STAG2: variants seen among roughly 807,000 people sequenced by gnomAD.
The protein encoded by STAG2 is cohesin subunit SA-2.
In STAG2, 14 loss-of-function variants were observed where a neutral mutation model predicts 108.1. The observed-to-expected ratio is 0.13, with a 90% CI of 0.09 to 0.20. The LOEUF (loss-of-function observed/expected upper bound fraction) is 0.20. Ranked by LOEUF, STAG2 falls within the 10% of genes least tolerant of loss-of-function variation. STAG2 has a pLI of 1.00. For missense variants in STAG2, 440 were observed against 940.9 expected, an observed-to-expected ratio of 0.47 and a Z score of 6.96; for synonymous variants, 307 against 302.7, an observed-to-expected ratio of 1.01 and a Z score of -0.15.
At chrX:124,061,929 A>G in intron 17 of STAG2, 55 bp downstream of exon 17, 1 of 910,399 alleles carries the variant, frequency 1.1e-6, no homozygotes, top group Middle Eastern at 2.8e-4. Context: ...CTTTTTCAGT[A>G]TCTTTTTAAA....
At chrX:124,036,173 T>C (rs2148109223) in intron 5 of STAG2, among the ~76,000 whole-genome samples, 1 of 112,275 alleles carries the variant, frequency 8.9e-6, no homozygotes, top group African/African-American at 3.2e-5. Context: ...ATATTTTTCC[T>C]TGATTTATCT....
rs760383933 is a variant in STAG2, at chrX:124,094,164, C to T, written c.3705+20C>T. 1.4e-5 allele frequency: 16 copies of T among 1,181,990 alleles called. No homozygotes were observed. The African/African-American group carries it at 1.8e-4, about 13-fold the overall frequency. On this transcript the variant is annotated intron_variant, in intron 33 of 34. Coordinates refer to ENST00000371145, the MANE Select transcript of STAG2 (RefSeq NM_001042750.2). ...GATTTGGTAAGAAACTTAATGATTT[C>T]TGTAAGATTTTCAGTTTAGATCTTT...
At chrX:124,006,436 ATTTTTTT>A (rs36109062) in intron 1 of STAG2, among the ~76,000 whole-genome samples, 10 of 64,228 alleles carry the variant, frequency 1.6e-4, no homozygotes, top group Non-Finnish European at 2.7e-4. Context: ...TGTTGTCACT[ATTTTTTT>A]TTTTTTTTTT....
intron 13 of STAG2, among the ~76,000 whole-genome samples, chrX:124,055,466 C>T (rs961942376): frequency 1.8e-5 from 2 of 112,588 alleles, no homozygotes; most frequent in Non-Finnish European, 3.8e-5. Context: ...CAGCGTTTAC[C>T]CTGGGGTACT....
At chrX:124,066,488 T>G (rs780124793) in intron 23 of STAG2, 52 bp downstream of exon 23, 1 of 887,247 alleles carries the variant, frequency 1.1e-6, no homozygotes, top group African/African-American at 2.0e-5. Flanking sequence ...ATTAACTGTT[T>G]TCAGCAAACT....
chrX:124,009,447 A>AGGTAGGTAGGTAGGTAGGTAGGTAGG (rs1569502017), intron 1 of STAG2, among the ~76,000 whole-genome samples: 2 of 91,422 alleles, frequency 2.2e-5, no homozygotes, highest in African/African-American at 7.8e-5. Flanking sequence ...AGGTAGGTAG[A>AGGTAGGTAGGTAGGTAGGTAGGTAGG]TAGATAGATA....
chrX:123,964,378 C>A (rs992922102), intron 1 of STAG2, among the ~76,000 whole-genome samples: 3 of 111,526 alleles, frequency 2.7e-5, no homozygotes, highest in Non-Finnish European at 5.7e-5. Flanking sequence ...CTTTTTAATT[C>A]TTTGAAAACA....
At chrX:124,093,472 CTTTTTTTTTT>C (rs56165276) in intron 32 of STAG2, among the ~76,000 whole-genome samples, 1 of 82,311 alleles carries the variant, frequency 1.2e-5, no homozygotes, top group African/African-American at 4.5e-5. Flanking sequence ...TCTTATTCAT[CTTTTTTTTTT>C]TTTTTTTTTT....
intron 1 of STAG2, among the ~76,000 whole-genome samples, chrX:123,980,182 C>A (rs1457935717): frequency 9.0e-6 from 1 of 111,710 alleles, no homozygotes; most frequent in Non-Finnish European, 1.9e-5. Context: ...ATTTTAGATA[C>A]TTCAACCTTA....
rs113670071 is a variant in STAG2, at chrX:123,973,080, TA to T, written c.-163+11234del. Among the ~76,000 whole-genome samples the T allele has an allele frequency of 6.5e-3, 674 of 103,299 alleles. 5 individuals carry two copies. The highest frequency in any genetic ancestry group is 0.02 in the African/African-American group (570 of 28,444). The allele number at this position is 103,299 out of a possible 115,157, so 89.7% of individuals were successfully genotyped here. ...GAAAAAAAACAGTAGTAAAATAAAA[TA>T]AAAAAAAAATGCAGTTGGATTTTAA... On this transcript the variant is annotated intron_variant, in intron 1 of 34. Coordinates refer to ENST00000371145, the MANE Select transcript of STAG2 (RefSeq NM_001042750.2).
At chrX:123,964,227 T>G (rs1339576251) in intron 1 of STAG2, among the ~76,000 whole-genome samples, 4 of 105,406 alleles carry the variant, frequency 3.8e-5, no homozygotes, top group Non-Finnish European at 7.8e-5. Flanking sequence ...TGTAAGTGAT[T>G]ACACAATGCT....
chrX:123,995,782 A>G (rs1178344130), intron 1 of STAG2, among the ~76,000 whole-genome samples: 2 of 112,556 alleles, frequency 1.8e-5, no homozygotes, highest in Non-Finnish European at 3.8e-5. Context: ...AATAAGAAAA[A>G]TAGAGAAGTG....
At position 123,992,505 on chromosome X, in the gene STAG2, T is replaced by C. The variant is rs35541637; in HGVS notation, c.-162-28862T>C. 9.6e-3 allele frequency among the ~76,000 whole-genome samples: 1,054 copies of C among 110,058 alleles called. 39 individuals carry two copies. Among genetic ancestry groups the C allele is most frequent in the Admixed American group, 0.079 (801 of 10,168 alleles). ...TACTGCACTCGAAGAGATCAATTCA[T>C]TGAGGGCTGTAGTAGGGAGAGTTTC... On this transcript the variant is annotated intron_variant, in intron 1 of 34. Transcript: ENST00000371145.
intron 1 of STAG2, among the ~76,000 whole-genome samples, chrX:124,006,489 A>G (rs975785632): frequency 1.9e-4 from 18 of 96,397 alleles, no homozygotes; most frequent in African/African-American, 7.3e-4. Context: ...CCCAGGCTGG[A>G]GTGCAGTGGC....
chrX:124,037,720 C>A, intron 6 of STAG2, 97 bp downstream of exon 6: 1 of 384,239 alleles, frequency 2.6e-6, no homozygotes, highest in Non-Finnish European at 4.2e-6. Context: ...GTAAATAACG[C>A]TAAGGCATTA....
At chrX:124,009,433 AGGTAG>A (rs1569501907) in intron 1 of STAG2, among the ~76,000 whole-genome samples, 2 of 97,362 alleles carry the variant, frequency 2.1e-5, no homozygotes, top group Non-Finnish European at 4.2e-5. Context: ...GTAGGTAGGT[AGGTAG>A]GTAGGTAGAT....
At chrX:124,080,415 C>T (rs376428404) in intron 27 of STAG2, among the ~76,000 whole-genome samples, 4 of 111,060 alleles carry the variant, frequency 3.6e-5, no homozygotes, top group East Asian at 2.8e-4. Context: ...CACGACCGGG[C>T]GCGGTGGCTC....
chrX:124,074,213 G>C (rs1035850137), intron 25 of STAG2, among the ~76,000 whole-genome samples: 1 of 112,489 alleles, frequency 8.9e-6, no homozygotes, highest in Admixed American at 9.4e-5. Context: ...TGCACCCAGT[G>C]CAGTTTTCCT....
At chrX:124,090,263 C>T (rs1464479996) in intron 30 of STAG2, among the ~76,000 whole-genome samples, 2 of 108,906 alleles carry the variant, frequency 1.8e-5, no homozygotes, top group African/African-American at 6.7e-5. Flanking sequence ...GCCTTTCTAG[C>T]CCACCTGATA....
Sources: gnomAD v4.1 joint callset for allele counts (sites outside exome capture counted in the v4.1 genomes callset) on GRCh38, gnomAD v4.1.1 for gene constraint, MANE v1.5 for transcripts, NCBI Gene and HGNC (gene_info 2026-07-23, HGNC 2026-07-21) for gene names.